PDE3A: variants seen among roughly 807,000 people sequenced by gnomAD.
PDE3A encodes cGMP-inhibited 3',5'-cyclic phosphodiesterase 3A.
A neutral mutation model predicts 98.3 loss-of-function variants in PDE3A; 43 were observed. That is an observed-to-expected ratio of 0.44 (90% confidence interval 0.34 to 0.56). PDE3A has a LOEUF of 0.56. PDE3A is among the 20% of genes least tolerant of loss of function. The pLI is 0.01. For missense variants in PDE3A, 1,427 were observed against 1,440.7 expected (o/e 0.99, Z 0.15); for synonymous variants, 663 against 567.9 (o/e 1.17, Z -2.38).
At position 20,457,659 on chromosome 12, in the gene PDE3A, A is replaced by G. The variant is rs188590329; in HGVS notation, c.960+87415A>G. Among the ~76,000 whole-genome samples, 19 of 151,856 alleles carry G rather than the reference A, an allele frequency of 1.3e-4. No individual in the cohort carries two copies. In the East Asian group the frequency reaches 2.5e-3, roughly 20 times the overall value. On this transcript the variant is annotated intron_variant, in intron 1 of 15. Transcript: ENST00000359062. Reference sequence around the variant, plus strand: ...AGATAGAAAAGGATATAATGTCTGTATTCAAAGTAAGGGTTAATCTACTTT... The same window carrying G: ...AGATAGAAAAGGATATAATGTCTGTGTTCAAAGTAAGGGTTAATCTACTTT...
At chr12:20,398,610 C>T (rs1000021085) in intron 1 of PDE3A, among the ~76,000 whole-genome samples, 6 of 151,820 alleles carry the variant, frequency 4.0e-5, no homozygotes, top group African/African-American at 1.2e-4. Context: ...ACTCTAGTGG[C>T]CTTCATTATA....
intron 2 of PDE3A, among the ~76,000 whole-genome samples, chr12:20,599,718 C>T (rs538961716): frequency 2.0e-5 from 3 of 152,180 alleles, no homozygotes; most frequent in Admixed American, 1.3e-4. Flanking sequence ...ATGCTGTTCA[C>T]ATGCTCAGTA....
intron 1 of PDE3A, among the ~76,000 whole-genome samples, chr12:20,534,196 C>T (rs1941695402): frequency 6.6e-6 from 1 of 152,182 alleles, no homozygotes; most frequent in South Asian, 2.1e-4. Flanking sequence ...TTGTTTCCCT[C>T]TAGAGAATGA....
At chr12:20,450,872 G>A (rs1352044585) in intron 1 of PDE3A, among the ~76,000 whole-genome samples, 14 of 152,184 alleles carry the variant, frequency 9.2e-5, no homozygotes, top group African/African-American at 3.4e-4. Context: ...GGGCACCAAA[G>A]AAAAATTGAG....
chr12:20,610,997 C>T (rs77423284), intron 2 of PDE3A, among the ~76,000 whole-genome samples: 2,197 of 151,756 alleles, frequency 0.014, 73 homozygotes, highest in African/African-American at 0.05. Flanking sequence ...TTACAGTTAA[C>T]GAAATTGTAT....
chr12:20,383,929 C>T lies in PDE3A; in HGVS notation c.960+13685C>T, dbSNP rs568106645. Among the ~76,000 whole-genome samples the T allele has an allele frequency of 3.1e-3, 465 of 151,788 alleles. 2 individuals carry two copies. The highest frequency in any genetic ancestry group is 3.3e-3 in the Non-Finnish European group (226 of 67,908). Reference sequence around the variant, plus strand: ...CTGTGTTGAGTGAGAGTAGGTGTTACGATGTAAGAAGGAAACCAATTAAGA... The same window carrying T: ...CTGTGTTGAGTGAGAGTAGGTGTTATGATGTAAGAAGGAAACCAATTAAGA... On this transcript the variant is annotated intron_variant, in intron 1 of 15. Transcript: ENST00000359062.
In PDE3A at chr12:20,553,793, T is replaced by C. The variant is rs578213305; in HGVS notation, c.961-2867T>C. 8.5e-5 allele frequency among the ~76,000 whole-genome samples: 13 copies of C among 152,332 alleles called. No homozygotes were observed. The East Asian group carries it at 2.3e-3, about 27-fold the overall frequency. On this transcript the variant is annotated intron_variant, in intron 1 of 15. Transcript: ENST00000359062. ...GAAGTCACGTGCAAGTGCCTTTGAT[T>C]CGTTCCTTCTTTCTAAAGACGACAG...
chr12:20,508,763 T>C (rs1024461117), intron 1 of PDE3A, among the ~76,000 whole-genome samples: 1 of 151,920 alleles, frequency 6.6e-6, no homozygotes, highest in Non-Finnish European at 1.5e-5. Flanking sequence ...AATTTTCTGA[T>C]TCTTTTTGTG....
intron 1 of PDE3A, chr12:20,551,799 A>G: frequency 6.2e-7 from 1 of 1,614,012 alleles, no homozygotes; most frequent in Non-Finnish European, 8.5e-7. Flanking sequence ...CCTCGGCCAC[A>G]TCGTCCTCAC....
chr12:20,561,836 C>T (rs1247587566), intron 2 of PDE3A, among the ~76,000 whole-genome samples: 1 of 152,176 alleles, frequency 6.6e-6, no homozygotes, highest in Admixed American at 6.5e-5. Flanking sequence ...CTAGCAAATT[C>T]CAACCCTTAA....
intron 15 of PDE3A, among the ~76,000 whole-genome samples, chr12:20,670,251 A>G (rs551467890): frequency 4.9e-4 from 73 of 148,686 alleles, no homozygotes; most frequent in Middle Eastern, 6.8e-3. Context: ...TAATAATGGG[A>G]GACTTTAACA....
At chr12:20,572,426 A>G (rs1181927294) in intron 2 of PDE3A, among the ~76,000 whole-genome samples, 1 of 152,104 alleles carries the variant, frequency 6.6e-6, no homozygotes, top group Non-Finnish European at 1.5e-5. Context: ...TTAGAATGTT[A>G]AACAGAATAT....
chr12:20,456,978 A>G (rs1320965614), intron 1 of PDE3A, among the ~76,000 whole-genome samples: 1 of 152,126 alleles, frequency 6.6e-6, no homozygotes, highest in African/African-American at 2.4e-5. Flanking sequence ...GAGTTATACC[A>G]AAGCCTCCTT....
chr12:20,669,168 G>A (rs903446093), intron 15 of PDE3A, among the ~76,000 whole-genome samples: 1 of 151,918 alleles, frequency 6.6e-6, no homozygotes, highest in African/African-American at 2.4e-5. Flanking sequence ...AAAAAGAAAC[G>A]AGCAAAGCCT....
chr12:20,674,024 T>C (rs1459637348), intron 15 of PDE3A, among the ~76,000 whole-genome samples: 1 of 152,170 alleles, frequency 6.6e-6, no homozygotes, highest in Admixed American at 6.5e-5. Context: ...TAGTTTTCCA[T>C]GTAGAGGTCT....
At chr12:20,525,143 A>G (rs2121164991) in intron 1 of PDE3A, among the ~76,000 whole-genome samples, 1 of 152,224 alleles carries the variant, frequency 6.6e-6, no homozygotes, top group Middle Eastern at 3.4e-3. Flanking sequence ...AACAAAAAAG[A>G]AGATGGAGCT....
At chr12:20,423,557 A>T (rs1944555514) in intron 1 of PDE3A, among the ~76,000 whole-genome samples, 1 of 152,196 alleles carries the variant, frequency 6.6e-6, no homozygotes. Flanking sequence ...GTGTTCCTTC[A>T]AAAACAGACT....
chr12:20,449,537 G>A, intron 1 of PDE3A: 1 of 244,738 alleles, frequency 4.1e-6, no homozygotes. Flanking sequence ...GTGGTAGGCG[G>A]TGGCACGTGT....
intron 1 of PDE3A, among the ~76,000 whole-genome samples, chr12:20,536,368 G>A (rs1941748141): frequency 6.6e-6 from 1 of 151,670 alleles, no homozygotes; most frequent in Non-Finnish European, 1.5e-5. Context: ...GTGCATAGAG[G>A]TATTATTGAA....
Sources: allele counts gnomAD v4.1 joint callset (sites outside exome capture counted in the v4.1 genomes callset), GRCh38; gene constraint gnomAD v4.1.1; transcripts MANE v1.5; gene names NCBI Gene and HGNC (gene_info 2026-07-23, HGNC 2026-07-21).